The following RDX variants were observed in gnomAD, a reference collection of about 807,000 sequenced individuals.
RDX encodes deafness, autosomal recessive 24.
Under a neutral mutation model 83.7 loss-of-function variants are expected in RDX, and 32 were observed. The ratio of observed to expected loss-of-function variants is 0.38; its 90% CI spans 0.29 to 0.51. The LOEUF (loss-of-function observed/expected upper bound fraction) is 0.51, where lower values mean the gene tolerates loss of function less well. Among genes scored for constraint, RDX ranks in the 20% least tolerant of loss-of-function variants. The pLI, the probability that RDX is intolerant of heterozygous loss-of-function variation, is 0.87. For missense variants in RDX, 600 were observed against 689.9 expected, an observed-to-expected ratio of 0.87 and a Z score of 1.46; for synonymous variants, 229 against 222.7, an observed-to-expected ratio of 1.03 and a Z score of -0.25.
chr11:110,260,009 A>G (rs1250144032), intron 5 of RDX, among the ~76,000 whole-genome samples: 1 of 150,854 alleles, frequency 6.6e-6, no homozygotes, highest in Non-Finnish European at 1.5e-5. Flanking sequence ...TTCTTTAGAC[A>G]GAGTTTCGCT....
chr11:110,181,226 G>A (rs977421810), intron 15 of RDX, among the ~76,000 whole-genome samples: 11 of 149,908 alleles, frequency 7.3e-5, no homozygotes, highest in African/African-American at 1.7e-4. Flanking sequence ...CAAATGGAGC[G>A]AACTCGACTC....
intron 1 of RDX, among the ~76,000 whole-genome samples, chr11:110,294,901 A>G (rs967555546): frequency 6.6e-6 from 1 of 152,228 alleles, no homozygotes; most frequent in Non-Finnish European, 1.5e-5. Flanking sequence ...CAATGCCACA[A>G]TCAAATTCTG....
chr11:110,177,187 C>T (rs1056014663), intron 15 of RDX, among the ~76,000 whole-genome samples: 17 of 152,322 alleles, frequency 1.1e-4, no homozygotes, highest in African/African-American at 3.8e-4. Context: ...CACCTCCACC[C>T]GGGGACAGGA....
intron 15 of RDX, among the ~76,000 whole-genome samples, chr11:110,193,035 G>T (rs1486897812): frequency 1.3e-5 from 2 of 152,126 alleles, no homozygotes; most frequent in African/African-American, 2.4e-5. Context: ...CAAAAGAAAA[G>T]AAATCACTCT....
chr11:110,182,794 T>C (rs1312321477), intron 15 of RDX, among the ~76,000 whole-genome samples: 1 of 152,170 alleles, frequency 6.6e-6, no homozygotes, highest in Non-Finnish European at 1.5e-5. Context: ...TAACAGGACA[T>C]ATGAATAGCA....
chr11:110,282,959 A>C (rs1005081490), intron 1 of RDX, among the ~76,000 whole-genome samples: 1 of 152,242 alleles, frequency 6.6e-6, no homozygotes, highest in Admixed American at 6.5e-5. Flanking sequence ...CCTGGGCAAC[A>C]GGGCAAGATT....
downstream of RDX, among the ~76,000 whole-genome samples, chr11:110,225,470 T>C: frequency 6.6e-6 from 1 of 152,136 alleles, no homozygotes. Flanking sequence ...TCTCCAAAAA[T>C]GATATATAAA....
At chr11:110,240,587 C>CA (rs745409301) in intron 10 of RDX, among the ~76,000 whole-genome samples, 229 of 150,362 alleles carry the variant, frequency 1.5e-3, no homozygotes, top group East Asian at 5.5e-3. Context: ...ACTAAAAATA[C>CA]AAAAAAAATT....
At chr11:110,223,878 C>T (rs1864341191) in intron 14 of RDX, among the ~76,000 whole-genome samples, 1 of 151,936 alleles carries the variant, frequency 6.6e-6, no homozygotes. Context: ...CCAGCCTGAC[C>T]AACATGGAGA....
intron 1 of RDX, among the ~76,000 whole-genome samples, chr11:110,285,712 C>CAAAAA (rs35030078): frequency 5.1e-5 from 4 of 78,366 alleles, no homozygotes; most frequent in East Asian, 3.8e-4. Context: ...GACTTTGTCT[C>CAAAAA]AAAAAAAAAA....
At chr11:110,204,086 T>G (rs1863513883) in intron 14 of RDX, among the ~76,000 whole-genome samples, 1 of 152,114 alleles carries the variant, frequency 6.6e-6, no homozygotes, top group Non-Finnish European at 1.5e-5. Flanking sequence ...CACATGGGAC[T>G]GGAAATTGCA....
intron 14 of RDX, among the ~76,000 whole-genome samples, chr11:110,205,430 C>G (rs1381651864): frequency 9.9e-6 from 1 of 101,462 alleles, no homozygotes; most frequent in Non-Finnish European, 2.0e-5. Context: ...GTTTACCTAT[C>G]CAAAAAAAAA....
intron 9 of RDX, among the ~76,000 whole-genome samples, chr11:110,253,587 A>C (rs1340589404): frequency 6.6e-6 from 1 of 152,188 alleles, no homozygotes; most frequent in African/African-American, 2.4e-5. Flanking sequence ...AATGTCACTG[A>C]CATTGTTTCA....
At chr11:110,280,313 A>G (rs1416197685) in intron 1 of RDX, among the ~76,000 whole-genome samples, 1 of 152,284 alleles carries the variant, frequency 6.6e-6, no homozygotes. Flanking sequence ...GTAACACCAC[A>G]GCTCACTGCA....
At chr11:110,291,474 C>T (rs1439492313) in intron 1 of RDX, among the ~76,000 whole-genome samples, 1 of 152,188 alleles carries the variant, frequency 6.6e-6, no homozygotes, top group Non-Finnish European at 1.5e-5. Flanking sequence ...GAATGTGCCC[C>T]AATCCTGGCC....
chr11:110,207,074 G>A (rs1247365773), intron 14 of RDX, among the ~76,000 whole-genome samples: 1 of 152,132 alleles, frequency 6.6e-6, no homozygotes, highest in African/African-American at 2.4e-5. Flanking sequence ...CTGAGGTTCA[G>A]CCAATTCTCA....
chr11:110,247,621 T>C, intron 10 of RDX, 82 bp downstream of exon 10: 1 of 1,414,672 alleles, frequency 7.1e-7, no homozygotes, highest in Non-Finnish European at 9.8e-7. Flanking sequence ...CAAATAAGGT[T>C]TAAGAGTACT....
intron 1 of RDX, among the ~76,000 whole-genome samples, chr11:110,293,625 G>A (rs925239694): frequency 1.3e-5 from 2 of 152,152 alleles, no homozygotes; most frequent in Non-Finnish European, 2.9e-5. Context: ...TTTAAGGGTA[G>A]AGTCCATAGC....
At chr11:110,198,094 A>G (rs907119330) in intron 15 of RDX, among the ~76,000 whole-genome samples, 1 of 152,222 alleles carries the variant, frequency 6.6e-6, no homozygotes, top group Admixed American at 6.5e-5. Context: ...AGTCTAAAAC[A>G]TAATATTTCT....
Sources: gnomAD v4.1 joint callset for allele counts (sites outside exome capture counted in the v4.1 genomes callset) on GRCh38, gnomAD v4.1.1 for gene constraint, MANE v1.5 for transcripts, NCBI Gene and HGNC (gene_info 2026-07-23, HGNC 2026-07-21) for gene names.